Variants in SNAP25 observed in about 807,000 individuals in gnomAD.
The protein encoded by SNAP25 is synaptosome associated protein 25.
SNAP25 carries 3 observed loss-of-function variants against 28.7 expected under a neutral mutation model. That is an observed-to-expected ratio of 0.10 (90% CI 0.05 to 0.27). The LOEUF is 0.27. Among genes scored for constraint, SNAP25 ranks in the 10% least tolerant of loss-of-function variants. The probability of loss-of-function intolerance (pLI) is 1.00; values close to 1 mark genes in which losing one functional copy is unlikely to be tolerated. For missense variants in SNAP25, 117 were observed against 278.7 expected, an observed-to-expected ratio of 0.42 and a Z score of 4.13; for synonymous variants, 61 against 88.1, an observed-to-expected ratio of 0.69 and a Z score of 1.72.
chr20:10,295,733 G>A (rs1048472815), intron 5 of SNAP25, among the ~76,000 whole-genome samples: 1 of 151,898 alleles, frequency 6.6e-6, no homozygotes, highest in Non-Finnish European at 1.5e-5. Context: ...TCTTGTTTTT[G>A]GACTAAAAAG....
chr20:10,304,877 T>C (rs985264557), intron 7 of SNAP25, among the ~76,000 whole-genome samples: 2 of 152,158 alleles, frequency 1.3e-5, no homozygotes, highest in Non-Finnish European at 2.9e-5. Flanking sequence ...TTTAAACGGA[T>C]GCTCACAACA....
intron 1 of SNAP25, among the ~76,000 whole-genome samples, chr20:10,224,247 A>T (rs187854796): frequency 3.4e-4 from 36 of 105,962 alleles, no homozygotes; most frequent in African/African-American, 1.2e-3. Context: ...GGCATAGAGA[A>T]TGTACATGTC....
In SNAP25 at chr20:10,306,989, G is replaced by A. The variant is rs1256356445; in HGVS notation, c.*792G>A. Reference sequence around the variant, plus strand: ...AAAAAAAAGAATTTTAAAAAAGATGGATTTGACACACTCACCATTTAATCA... The same window carrying A: ...AAAAAAAAGAATTTTAAAAAAGATGAATTTGACACACTCACCATTTAATCA... On this transcript the variant is annotated 3_prime_UTR_variant, in exon 8 of 8. Coordinates refer to ENST00000254976, the MANE Select transcript of SNAP25 (RefSeq NM_130811.4). 2.6e-5 allele frequency: 4 copies of A among 152,524 alleles called. No homozygotes were observed. The highest frequency in any genetic ancestry group is 2.6e-4 in the Admixed American group (4 of 15,272). The allele number at this position is 152,524 out of a possible 1,614,324, so 9.4% of individuals were successfully genotyped here. A position where few individuals can be genotyped will look rare whatever the true frequency, so the allele number is the denominator to read the frequency against.
At chr20:10,232,093 G>A (rs2062838649) in intron 1 of SNAP25, among the ~76,000 whole-genome samples, 1 of 152,266 alleles carries the variant, frequency 6.6e-6, no homozygotes, top group African/African-American at 2.4e-5. Context: ...CATTACCAAA[G>A]CTCTCTCTTT....
Position 10,229,900 on chromosome 20 carries a change from G to T in SNAP25, c.-64+10923G>T, listed in dbSNP as rs574391184. Among the ~76,000 whole-genome samples the T allele has an allele frequency of 1.5e-4, 23 of 152,176 alleles. 1 individual carries two copies. In the South Asian group the frequency reaches 4.8e-3, roughly 32 times the overall value. On this transcript the variant is annotated intron_variant, in intron 1 of 7. Transcript: ENST00000254976. ...GTTAAGCAGAATTTGGGGGAAAAAA[G>T]AAGAAGAAAAGAAAAGATTACAACC...
intron 3 of SNAP25, among the ~76,000 whole-genome samples, chr20:10,282,248 A>G (rs2123048616): frequency 6.6e-6 from 1 of 152,108 alleles, no homozygotes; most frequent in African/African-American, 2.4e-5. Flanking sequence ...GAAGGAAAGT[A>G]AAAAGGAGCC....
chr20:10,244,930 C>T (rs948432715), intron 1 of SNAP25, among the ~76,000 whole-genome samples: 2 of 151,962 alleles, frequency 1.3e-5, no homozygotes, highest in African/African-American at 2.4e-5. Flanking sequence ...GGGGTTTCAC[C>T]GTCTTGGTCA....
At chr20:10,221,257 C>T (rs1039645785) in intron 1 of SNAP25, among the ~76,000 whole-genome samples, 6 of 151,942 alleles carry the variant, frequency 3.9e-5, no homozygotes, top group Admixed American at 1.3e-4. Flanking sequence ...TGGGGAGGAG[C>T]GGGGGAAGTA....
At chr20:10,237,741 G>A (rs2062949842) in intron 1 of SNAP25, among the ~76,000 whole-genome samples, 1 of 152,152 alleles carries the variant, frequency 6.6e-6, no homozygotes, top group South Asian at 2.1e-4. Flanking sequence ...GTACAATGAG[G>A]TTAAGTAAAT....
At chr20:10,235,609 T>C (rs540123234) in intron 1 of SNAP25, among the ~76,000 whole-genome samples, 50 of 152,330 alleles carry the variant, frequency 3.3e-4, no homozygotes, top group East Asian at 2.1e-3. Context: ...GTTATTTTTC[T>C]TGTATAACAA....
chr20:10,241,103 C>A (rs1270859064), intron 1 of SNAP25, among the ~76,000 whole-genome samples: 1 of 152,114 alleles, frequency 6.6e-6, no homozygotes, highest in Non-Finnish European at 1.5e-5. Context: ...AACTGCAGGG[C>A]CGACATGGGC....
intron 3 of SNAP25, among the ~76,000 whole-genome samples, chr20:10,281,268 T>C (rs2063773641): frequency 6.6e-6 from 1 of 152,142 alleles, no homozygotes; most frequent in Non-Finnish European, 1.5e-5. Flanking sequence ...TAAAACATAA[T>C]ACTATTTAAG....
At chr20:10,253,378 A>T (rs2063263857) in intron 1 of SNAP25, among the ~76,000 whole-genome samples, 1 of 152,154 alleles carries the variant, frequency 6.6e-6, no homozygotes, top group African/African-American at 2.4e-5. Flanking sequence ...AGGACTCTGG[A>T]TTCGAATCCT....
chr20:10,279,043 G>T (rs1237343434), intron 3 of SNAP25, among the ~76,000 whole-genome samples: 1 of 152,218 alleles, frequency 6.6e-6, no homozygotes, highest in African/African-American at 2.4e-5. Context: ...AGCAAAGCAG[G>T]TCCTCAGTAT....
chr20:10,270,928 A>G (rs965867982), intron 1 of SNAP25, among the ~76,000 whole-genome samples: 1 of 152,218 alleles, frequency 6.6e-6, no homozygotes, highest in Admixed American at 6.5e-5. Flanking sequence ...ATGTCAGTTA[A>G]CATGAATTGA....
intron 4 of SNAP25, among the ~76,000 whole-genome samples, chr20:10,285,599 A>T (rs2284299): frequency 0.11 from 16,552 of 151,842 alleles, 1,135 homozygotes; most frequent in East Asian, 0.18. Context: ...AGTCATGACT[A>T]TTTTTTTTAT....
At chr20:10,262,918 G>C (rs995202387) in intron 1 of SNAP25, among the ~76,000 whole-genome samples, 5 of 152,040 alleles carry the variant, frequency 3.3e-5, no homozygotes, top group Admixed American at 6.6e-5. Context: ...GGCCTGCCCT[G>C]GGGGTGGGCG....
intron 1 of SNAP25, among the ~76,000 whole-genome samples, chr20:10,225,249 C>T (rs2062715180): frequency 6.7e-6 from 1 of 149,824 alleles, no homozygotes; most frequent in African/African-American, 2.4e-5. Context: ...AAAAAAAACA[C>T]ATTCGCCTTG....
At chr20:10,236,192 C>T (rs1000519572) in intron 1 of SNAP25, among the ~76,000 whole-genome samples, 14 of 152,192 alleles carry the variant, frequency 9.2e-5, no homozygotes, top group African/African-American at 3.4e-4. Flanking sequence ...TATTAGTACC[C>T]TGTCCCCATA....
Sources: gnomAD v4.1 joint callset for allele counts (sites outside exome capture counted in the v4.1 genomes callset) on GRCh38, gnomAD v4.1.1 for gene constraint, MANE v1.5 for transcripts, NCBI Gene and HGNC (gene_info 2026-07-23, HGNC 2026-07-21) for gene names.